Variants in DCK observed in about 807,000 individuals in gnomAD.
DCK encodes deoxycytidine kinase.
Under a neutral mutation model 38.3 loss-of-function variants are expected in DCK, and 23 were observed. The ratio of observed to expected loss-of-function variants is 0.60; its 90% CI spans 0.43 to 0.85. DCK has a LOEUF of 0.85. Among genes scored for constraint, DCK ranks in the 40% least tolerant of loss-of-function variants. DCK has a pLI of 0.00. For missense variants in DCK, 259 were observed against 304.4 expected (o/e 0.85, Z 1.11); for synonymous variants, 108 against 100.6 (o/e 1.07, Z -0.44).
At position 71,023,610 on chromosome 4, in the gene DCK, G is replaced by A; in HGVS notation, c.453G>A (p.Glu151=). 5 of 1,611,582 alleles carry A rather than the reference G, an allele frequency of 3.1e-6. No homozygotes were observed. The highest frequency in any genetic ancestry group is 1.1e-5 in the South Asian group (1 of 90,858). The change falls in exon 4 of 7, where the codon GAG becomes GAA. Residue 151 remains glutamate, a synonymous_variant. Transcript: ENST00000286648. ...LYESECMNET[E]WTIYQDWHDW... is the part of the protein sequence containing the mutation. ...AATCTGAATGCATGAATGAGACAGA[G>A]TGGACAATTTATCAAGACTGGCATG...
At chr4:71,010,061 A>T (rs1740045529) in intron 2 of DCK, among the ~76,000 whole-genome samples, 1 of 151,836 alleles carries the variant, frequency 6.6e-6, no homozygotes, top group African/African-American at 2.4e-5. Flanking sequence ...GTTTCATCAC[A>T]CTTCTTGGCA....
rs543262264 is a variant in DCK at position 71,022,351 on chromosome 4, T to G, written c.208-16T>G. 1 of 1,465,424 alleles carries G rather than the reference T, an allele frequency of 6.8e-7. No individual in the cohort carries two copies. Among genetic ancestry groups the G allele is most frequent in the East Asian group, 2.5e-5 (1 of 40,224 alleles). 90.8% of individuals were successfully genotyped at this position (1,465,424 alleles called of 1,614,324 possible). ...ATTAATTTTGCTTTTTATTTCTTTT[T>G]GCACATTCAAAATAGGAACTTACAA... On this transcript the variant is annotated splice_polypyrimidine_tract_variant and intron_variant, in intron 2 of 6. Coordinates refer to ENST00000286648, the MANE Select transcript of DCK (RefSeq NM_000788.3).
chr4:70,995,082 C>G (rs1266012784), intron 1 of DCK, among the ~76,000 whole-genome samples: 1 of 152,154 alleles, frequency 6.6e-6, no homozygotes, highest in East Asian at 1.9e-4. Context: ...TTTAAGCATT[C>G]AAATGAATAG....
chr4:71,005,464 T>A (rs947077884), intron 2 of DCK, among the ~76,000 whole-genome samples: 11 of 151,994 alleles, frequency 7.2e-5, no homozygotes, highest in African/African-American at 2.4e-5. Flanking sequence ...ATAAAAGTTT[T>A]AAAAAATCTA....
At chr4:71,016,139 A>G (rs1040717762) in intron 2 of DCK, among the ~76,000 whole-genome samples, 3 of 152,226 alleles carry the variant, frequency 2.0e-5, no homozygotes, top group African/African-American at 7.2e-5. Context: ...TACACCAATA[A>G]CAGACAAACA....
intron 2 of DCK, among the ~76,000 whole-genome samples, chr4:71,017,565 G>T (rs779138294): frequency 1.3e-5 from 2 of 152,004 alleles, no homozygotes; most frequent in Non-Finnish European, 2.9e-5. Flanking sequence ...TTAAGAAAAT[G>T]TGGCACATAT....
chr4:71,025,875 A>T lies in DCK; in HGVS notation c.609A>T (p.Glu203Asp), dbSNP rs756733323. 17 of 1,611,432 alleles carry T rather than the reference A, an allele frequency of 1.1e-5. No individual in the cohort carries two copies. The highest frequency in any genetic ancestry group is 1.4e-5 in the Non-Finnish European group (17 of 1,178,536). The change falls in exon 5 of 7, where the codon GAA (glutamate) becomes GAT (aspartate). Residue 203 changes from glutamate (E) to aspartate (D), a missense_variant. Glu to Asp is a conservative substitution (Grantham distance 45, BLOSUM62 2). Coordinates refer to ENST00000286648, the MANE Select transcript of DCK (RefSeq NM_000788.3). The stretch of plus-strand genomic sequence containing the variant: ...ATGAAGAGCAAGGCATTCCTCTTGA[A>T]TATTTAGAGAAGCTTCATTATAAAC... ...GRNEEQGIPL[E>D]YLEKLHYKHE...
intron 4 of DCK, among the ~76,000 whole-genome samples, chr4:71,024,149 C>T (rs765540493): frequency 6.6e-6 from 1 of 152,066 alleles, no homozygotes; most frequent in Non-Finnish European, 1.5e-5. Context: ...TAAATATTTA[C>T]TGAATGAATG....
chr4:70,997,946 G>T, intron 1 of DCK, 121 bp from the exon 2 acceptor site: 1 of 487,022 alleles, frequency 2.1e-6, no homozygotes. Context: ...AGTTTAGAAA[G>T]TTGAATGTTT....
intron 2 of DCK, among the ~76,000 whole-genome samples, chr4:71,009,675 T>C (rs958307706): frequency 5.9e-5 from 9 of 152,210 alleles, no homozygotes; most frequent in African/African-American, 1.7e-4. Flanking sequence ...ATTACCTTTG[T>C]TAGAGTTTGG....
chr4:71,003,986 C>T (rs1739874816), intron 2 of DCK, among the ~76,000 whole-genome samples: 1 of 152,188 alleles, frequency 6.6e-6, no homozygotes, highest in African/African-American at 2.4e-5. Flanking sequence ...CTCCATCCAG[C>T]TTTGTTCTCT....
At chr4:70,994,011 C>A in intron 1 of DCK, 85 bp downstream of exon 1, 2 of 989,336 alleles carry the variant, frequency 2.0e-6, no homozygotes, top group Admixed American at 1.9e-5. Flanking sequence ...CTCTCTGCAG[C>A]AACTCGGTGA....
At chr4:70,997,356 A>G (rs911036503) in intron 1 of DCK, among the ~76,000 whole-genome samples, 1 of 152,130 alleles carries the variant, frequency 6.6e-6, no homozygotes, top group East Asian at 1.9e-4. Flanking sequence ...TTTGGTGGCC[A>G]GTGTTTTTAC....
At chr4:71,006,284 G>T (rs1220729308) in intron 2 of DCK, 3 of 929,866 alleles carry the variant, frequency 3.2e-6, no homozygotes, top group Non-Finnish European at 3.8e-6. Context: ...TAATTTTGCA[G>T]CATTTTACCG....
Position 71,004,463 on chromosome 4 carries a change from G to A in DCK, c.207+6281G>A, listed in dbSNP as rs118031962. 1.3e-3 allele frequency among the ~76,000 whole-genome samples: 191 copies of A among 152,326 alleles called. 2 individuals are homozygous for A. The East Asian group carries it at 0.018, about 14-fold the overall frequency. ...ATGGACCCACTTGAGGATGCTGCCT[G>A]TCCTTTAGCAGAGCTTGAGCGCTGC... is the stretch of plus-strand genomic sequence containing the variant. On this transcript the variant is annotated intron_variant, in intron 2 of 6. Transcript: ENST00000286648.
intron 2 of DCK, 34 bp downstream of exon 2, chr4:70,998,216 C>G (rs1739703437): frequency 9.1e-7 from 1 of 1,099,978 alleles, no homozygotes; most frequent in African/African-American, 1.6e-5. Flanking sequence ...ATAAAAGCCT[C>G]TTGGTTTAGA....
At chr4:71,013,705 ATGCTGAGAGAT>A (rs1740164489) in intron 2 of DCK, among the ~76,000 whole-genome samples, 1 of 152,204 alleles carries the variant, frequency 6.6e-6, no homozygotes, top group Non-Finnish European at 1.5e-5. Flanking sequence ...AGACAAGCAA[ATGCTGAGAGAT>A]TTTATCACCA....
At chr4:71,007,391 A>C (rs1739971727) in intron 2 of DCK, among the ~76,000 whole-genome samples, 1 of 152,246 alleles carries the variant, frequency 6.6e-6, no homozygotes, top group Non-Finnish European at 1.5e-5. Flanking sequence ...ATCCAGGTCA[A>C]GAAATACGAC....
chr4:71,004,937 T>C (rs1248564391), intron 2 of DCK, among the ~76,000 whole-genome samples: 1 of 147,742 alleles, frequency 6.8e-6, no homozygotes, highest in Non-Finnish European at 1.5e-5. Flanking sequence ...CTTGGCTCCC[T>C]GGCTTCAGCC....
Sources: allele counts gnomAD v4.1 joint callset (sites outside exome capture counted in the v4.1 genomes callset), GRCh38; gene constraint gnomAD v4.1.1; transcripts MANE v1.5; gene names NCBI Gene and HGNC (gene_info 2026-07-23, HGNC 2026-07-21).